The following MBOAT2 variants were observed in gnomAD, a reference collection of about 807,000 sequenced individuals.
MBOAT2 encodes the protein membrane-bound glycerophospholipid O-acyltransferase 2.
In MBOAT2, 28 loss-of-function variants were observed where a neutral mutation model predicts 63.4. The observed-to-expected ratio is 0.44, with a 90% CI of 0.33 to 0.61. The LOEUF is 0.61. Ranked by LOEUF, MBOAT2 falls within the 20% of genes least tolerant of loss-of-function variation. The pLI is 0.03. For synonymous variants in MBOAT2, 211 were observed against 215.6 expected (o/e 0.98, Z 0.19); for missense variants, 470 against 605.8 (o/e 0.78, Z 2.35).
At chr2:8,876,034 C>A (rs1662674696) in intron 7 of MBOAT2, among the ~76,000 whole-genome samples, 1 of 152,188 alleles carries the variant, frequency 6.6e-6, no homozygotes, top group Non-Finnish European at 1.5e-5. Context: ...GCCCTACATT[C>A]ACAGAAAACA....
intron 1 of MBOAT2, among the ~76,000 whole-genome samples, chr2:8,969,415 A>C (rs540212118): frequency 3.3e-5 from 5 of 152,320 alleles, no homozygotes; most frequent in African/African-American, 1.2e-4. Context: ...CACTGCAAAA[A>C]CATGCCAAAT....
chr2:8,869,443 T>A (rs1330060804), intron 8 of MBOAT2, among the ~76,000 whole-genome samples: 3 of 152,192 alleles, frequency 2.0e-5, no homozygotes, highest in African/African-American at 4.8e-5. Flanking sequence ...CTGCCTCAAA[T>A]AAGCCCTTTT....
At chr2:8,868,818 C>T (rs1430287127) in intron 8 of MBOAT2, among the ~76,000 whole-genome samples, 2 of 152,008 alleles carry the variant, frequency 1.3e-5, no homozygotes, top group South Asian at 2.1e-4. Context: ...GGTGAAGACT[C>T]GAACAGGAAA....
intron 1 of MBOAT2, among the ~76,000 whole-genome samples, chr2:8,995,871 G>A (rs557453989): frequency 1.2e-4 from 19 of 152,252 alleles, no homozygotes; most frequent in African/African-American, 3.4e-4. Flanking sequence ...GATTACAGGC[G>A]TGAGCCATCG....
At chr2:8,963,643 AAAAT>A (rs1669784452) in intron 1 of MBOAT2, among the ~76,000 whole-genome samples, 1 of 152,240 alleles carries the variant, frequency 6.6e-6, no homozygotes, top group Non-Finnish European at 1.5e-5. Flanking sequence ...AAATGTGGTG[AAAAT>A]AATTATATAA....
chr2:8,947,307 G>A (rs1374459084), intron 2 of MBOAT2, among the ~76,000 whole-genome samples: 3 of 152,194 alleles, frequency 2.0e-5, no homozygotes, highest in Non-Finnish European at 4.4e-5. Flanking sequence ...GATGTTTAAG[G>A]AAAGAAGTCA....
At chr2:8,893,048 C>A (rs1030529142) in intron 4 of MBOAT2, among the ~76,000 whole-genome samples, 9 of 126,280 alleles carry the variant, frequency 7.1e-5, no homozygotes, top group Admixed American at 2.6e-4. Flanking sequence ...ACTGTGGGGG[C>A]ACCAGAGGCA....
At chr2:8,985,591 ATAAT>A (rs1310873461) in intron 1 of MBOAT2, among the ~76,000 whole-genome samples, 2 of 152,096 alleles carry the variant, frequency 1.3e-5, no homozygotes, top group Admixed American at 6.5e-5. Flanking sequence ...CTAGCTTCCC[ATAAT>A]TATCTGCCCT....
chr2:8,910,709 A>G (rs144837318), intron 3 of MBOAT2, among the ~76,000 whole-genome samples: 17 of 152,294 alleles, frequency 1.1e-4, no homozygotes, highest in African/African-American at 3.4e-4. Context: ...GAGGCTGTCT[A>G]AAAGAGATTT....
At chr2:8,884,502 A>G (rs1200864672) in intron 5 of MBOAT2, among the ~76,000 whole-genome samples, 1 of 145,134 alleles carries the variant, frequency 6.9e-6, no homozygotes, top group Non-Finnish European at 1.5e-5. Context: ...AAAAAAAAAG[A>G]GCCATCTTTA....
intron 3 of MBOAT2, among the ~76,000 whole-genome samples, chr2:8,940,220 A>G (rs982698488): frequency 6.6e-6 from 1 of 152,132 alleles, no homozygotes; most frequent in African/African-American, 2.4e-5. Context: ...GAACGGATAT[A>G]CTAAGGCATA....
intron 3 of MBOAT2, among the ~76,000 whole-genome samples, chr2:8,934,595 G>A (rs752991661): frequency 5.3e-5 from 8 of 152,188 alleles, no homozygotes; most frequent in Non-Finnish European, 8.8e-5. Flanking sequence ...ATTACTCACA[G>A]TTTCCCAAAT....
chr2:8,972,867 C>T (rs1159520235), intron 1 of MBOAT2, among the ~76,000 whole-genome samples: 1 of 152,122 alleles, frequency 6.6e-6, no homozygotes, highest in African/African-American at 2.4e-5. Flanking sequence ...AGTCAGGAAA[C>T]AACAGGTGCT....
chr2:8,929,271 A>C (rs1667144303), intron 3 of MBOAT2, among the ~76,000 whole-genome samples: 1 of 152,248 alleles, frequency 6.6e-6, no homozygotes, highest in Admixed American at 6.5e-5. Context: ...GTTCTGTTAC[A>C]TGCATTGGGG....
intron 3 of MBOAT2, among the ~76,000 whole-genome samples, chr2:8,926,404 G>A (rs1490930462): frequency 6.6e-6 from 1 of 152,180 alleles, no homozygotes; most frequent in Non-Finnish European, 1.5e-5. Context: ...ACTCAACATA[G>A]AGTACAAGGC....
At chr2:8,951,776 T>C (rs1281718806) in intron 2 of MBOAT2, among the ~76,000 whole-genome samples, 1 of 152,208 alleles carries the variant, frequency 6.6e-6, no homozygotes, top group African/African-American at 2.4e-5. Flanking sequence ...TCAGTTGTAA[T>C]GTCACCTTTG....
intron 1 of MBOAT2, among the ~76,000 whole-genome samples, chr2:8,981,617 T>C (rs1222564109): frequency 1.3e-5 from 2 of 151,112 alleles, no homozygotes; most frequent in African/African-American, 2.4e-5. Context: ...CAGGAGTGAA[T>C]GGGCCAACAC....
chr2:8,931,338 T>A (rs1308144098), intron 3 of MBOAT2, among the ~76,000 whole-genome samples: 1 of 152,182 alleles, frequency 6.6e-6, no homozygotes. Flanking sequence ...TTTTGAGAAG[T>A]GTCAGTACAG....
intron 2 of MBOAT2, among the ~76,000 whole-genome samples, chr2:8,948,703 T>C (rs994357874): frequency 6.6e-6 from 1 of 152,230 alleles, no homozygotes; most frequent in Non-Finnish European, 1.5e-5. Flanking sequence ...TGGTATTCCA[T>C]GGTGTATATG....
Sources: allele counts gnomAD v4.1 joint callset (sites outside exome capture counted in the v4.1 genomes callset), GRCh38; gene constraint gnomAD v4.1.1; transcripts MANE v1.5; gene names NCBI Gene and HGNC (gene_info 2026-07-23, HGNC 2026-07-21).